Variants in RALGAPA2 observed in about 807,000 individuals in gnomAD.
RALGAPA2 encodes the protein ral GTPase-activating protein subunit alpha-2.
Under a neutral mutation model 230.4 loss-of-function variants are expected in RALGAPA2, and 139 were observed. The observed-to-expected ratio is 0.60, with a 90% CI of 0.53 to 0.69. RALGAPA2 has a LOEUF of 0.69. Ranked by LOEUF, RALGAPA2 falls within the 30% of genes least tolerant of loss-of-function variation. RALGAPA2 has a pLI of 0.00. For missense variants in RALGAPA2, 2,163 were observed against 2,276.0 expected (o/e 0.95, Z 1.01); for synonymous variants, 847 against 837.8 (o/e 1.01, Z -0.19).
intron 3 of RALGAPA2, among the ~76,000 whole-genome samples, chr20:20,663,076 G>A (rs2067836692): frequency 6.6e-6 from 1 of 152,172 alleles, no homozygotes; most frequent in Non-Finnish European, 1.5e-5. Flanking sequence ...TGAAGGCAAT[G>A]AGAATCGAAA....
chr20:20,548,127 A>C (rs920023795), intron 23 of RALGAPA2, among the ~76,000 whole-genome samples: 9 of 142,582 alleles, frequency 6.3e-5, no homozygotes, highest in African/African-American at 2.6e-4. Context: ...CAAAATCTCC[A>C]CACACACACA....
At position 20,460,169 on chromosome 20, in the gene RALGAPA2, C is replaced by T. The variant is rs369563633; in HGVS notation, c.5495+12660G>A. Among the ~76,000 whole-genome samples, 12 of 152,156 alleles carry T rather than the reference C, an allele frequency of 7.9e-5. No individual in the cohort carries two copies. In the East Asian group the frequency reaches 9.7e-4, roughly 12 times the overall value. ...TTCTAGTTGGGGCTGGGAGAACGAG[C>T]GAGGGGCCAGGCCCTCCTCTACACT... On this transcript the variant is annotated intron_variant, in intron 37 of 39. Transcript: ENST00000202677.
intron 23 of RALGAPA2, among the ~76,000 whole-genome samples, chr20:20,559,720 TAGG>T (rs778087903): frequency 3.3e-5 from 5 of 151,802 alleles, no homozygotes; most frequent in Non-Finnish European, 7.4e-5. Context: ...AATGAGGAAA[TAGG>T]AGGAGGAGGG....
chr20:20,693,539 CT>C (rs538029429), intron 1 of RALGAPA2, among the ~76,000 whole-genome samples: 148 of 152,206 alleles, frequency 9.7e-4, no homozygotes, highest in African/African-American at 3.4e-3. Context: ...TGACTACAGC[CT>C]AGGAGCTGTA....
chr20:20,523,623 A>G (rs1602642480), intron 30 of RALGAPA2, among the ~76,000 whole-genome samples: 1 of 152,208 alleles, frequency 6.6e-6, no homozygotes, highest in East Asian at 1.9e-4. Flanking sequence ...ATAAACATTT[A>G]AGACAGACAA....
intron 15 of RALGAPA2, among the ~76,000 whole-genome samples, chr20:20,602,074 G>T (rs921956179): frequency 3.3e-5 from 5 of 152,244 alleles, no homozygotes; most frequent in Admixed American, 3.3e-4. Context: ...CAGTCTTATG[G>T]ATATTATTAT....
At position 20,651,872 on chromosome 20, in the gene RALGAPA2, C is replaced by T. The variant is rs372104515; in HGVS notation, c.328+1658G>A. 8.9e-4 allele frequency among the ~76,000 whole-genome samples: 135 copies of T among 152,296 alleles called. 1 individual carries two copies. In the South Asian group the frequency reaches 0.017, roughly 19 times the overall value. ...TATTTCTCATTGTCAGCCATTCCTA[C>T]GGTACCATGGAGCACCACAAATCCC... On this transcript the variant is annotated intron_variant, in intron 4 of 39. Coordinates refer to ENST00000202677, the MANE Select transcript of RALGAPA2 (RefSeq NM_020343.4).
At chr20:20,597,154 A>G (rs540981133) in intron 16 of RALGAPA2, among the ~76,000 whole-genome samples, 1 of 152,358 alleles carries the variant, frequency 6.6e-6, no homozygotes, top group South Asian at 2.1e-4. Context: ...GAAACAAAAT[A>G]TAGAAAAAAA....
At chr20:20,455,519 A>G (rs769326420) in intron 37 of RALGAPA2, among the ~76,000 whole-genome samples, 17 of 152,214 alleles carry the variant, frequency 1.1e-4, no homozygotes, top group Admixed American at 7.9e-4. Flanking sequence ...CACAGGCAAC[A>G]AAAGCCTAGG....
chr20:20,682,983 G>T (rs2068573027), intron 1 of RALGAPA2, among the ~76,000 whole-genome samples: 1 of 152,112 alleles, frequency 6.6e-6, no homozygotes, highest in Non-Finnish European at 1.5e-5. Flanking sequence ...TCCACGTGAG[G>T]GTCTTAAAGG....
intron 30 of RALGAPA2, 39 bp downstream of exon 30, chr20:20,524,367 A>G: frequency 6.2e-7 from 1 of 1,611,882 alleles, no homozygotes; most frequent in Non-Finnish European, 8.5e-7. Context: ...TGTCATATAA[A>G]CCCACACTCC....
chr20:20,536,627 C>T (rs769616272), intron 25 of RALGAPA2, 29 bp downstream of exon 25: 1 of 1,604,802 alleles, frequency 6.2e-7, no homozygotes, highest in African/African-American at 1.3e-5. Context: ...AAGTACTAAA[C>T]TTGAGATACA....
chr20:20,482,426 G>A (rs2061799792), intron 36 of RALGAPA2, among the ~76,000 whole-genome samples: 1 of 152,236 alleles, frequency 6.6e-6, no homozygotes, highest in South Asian at 2.1e-4. Context: ...CTTCATGTAG[G>A]AAGTGGTCAT....
intron 1 of RALGAPA2, among the ~76,000 whole-genome samples, chr20:20,692,545 G>C (rs1292650388): frequency 6.6e-6 from 1 of 152,188 alleles, no homozygotes; most frequent in Non-Finnish European, 1.5e-5. Flanking sequence ...CAGCCCCAGA[G>C]GGAGGACCTG....
chr20:20,583,333 A>T, intron 19 of RALGAPA2, 107 bp from the exon 20 acceptor site: 2 of 1,221,192 alleles, frequency 1.6e-6, no homozygotes, highest in South Asian at 3.2e-5. Flanking sequence ...CACAGTAGGA[A>T]TCATTCATGT....
At chr20:20,548,638 C>T (rs1006935739) in intron 23 of RALGAPA2, among the ~76,000 whole-genome samples, 1 of 152,182 alleles carries the variant, frequency 6.6e-6, no homozygotes, top group South Asian at 2.1e-4. Context: ...TCCTTTGATA[C>T]ACTTTAAGGT....
chr20:20,576,552 CT>C (rs2064824784), intron 20 of RALGAPA2, among the ~76,000 whole-genome samples: 1 of 152,016 alleles, frequency 6.6e-6, no homozygotes, highest in Non-Finnish European at 1.5e-5. Flanking sequence ...ATTCTTCAAT[CT>C]CATTTATTAT....
Position 20,611,382 on chromosome 20 carries a change from A to G in RALGAPA2, c.1733T>C (p.Met578Thr), listed in dbSNP as rs966711729. Residue 578 changes from methionine to threonine, a missense_variant, in exon 14 of 40, where the codon ATG (methionine) becomes ACG (threonine). Coordinates refer to ENST00000202677, the MANE Select transcript of RALGAPA2 (RefSeq NM_020343.4). ...TATTTGTTTATCCTTTGGCTTCTGC[A>G]TGACAGCTTCTGTTATCCTGAGTAG... ...QILLRITEAVMQKPKDKQIKD... is the reference protein window; with the variant it reads ...QILLRITEAVTQKPKDKQIKD... The G allele has an allele frequency of 6.2e-7, 1 of 1,613,732 alleles. No individual in the cohort carries two copies. The highest frequency in any genetic ancestry group is 8.5e-7 in the Non-Finnish European group (1 of 1,179,702).
At chr20:20,525,382 A>T (rs898783135) in intron 28 of RALGAPA2, among the ~76,000 whole-genome samples, 2 of 152,166 alleles carry the variant, frequency 1.3e-5, no homozygotes, top group African/African-American at 4.8e-5. Context: ...ATTTCAGAGC[A>T]CTTTATGTTC....
Sources: gnomAD v4.1 joint callset for allele counts (sites outside exome capture counted in the v4.1 genomes callset) on GRCh38, gnomAD v4.1.1 for gene constraint, MANE v1.5 for transcripts, NCBI Gene and HGNC (gene_info 2026-07-23, HGNC 2026-07-21) for gene names.